The following CLSTN2 variants were observed in gnomAD, a reference collection of about 807,000 sequenced individuals.
CLSTN2 encodes the protein calsyntenin-2.
A neutral mutation model predicts 101.2 loss-of-function variants in CLSTN2; 48 were observed. That is an observed-to-expected ratio of 0.47 (90% CI 0.38 to 0.60). The LOEUF (loss-of-function observed/expected upper bound fraction) is 0.60, where lower values mean the gene tolerates loss of function less well. CLSTN2 is among the 20% of genes least tolerant of loss of function. CLSTN2 has a pLI of 0.00. For synonymous variants in CLSTN2, 481 were observed against 463.6 expected, an observed-to-expected ratio of 1.04 and a Z score of -0.48; for missense variants, 1,160 against 1,238.2, an observed-to-expected ratio of 0.94 and a Z score of 0.95.
rs1321072481 is a variant in CLSTN2 at position 140,374,089 on chromosome 3, C to T, written c.233-29540C>T. 3.9e-5 allele frequency among the ~76,000 whole-genome samples: 6 copies of T among 152,222 alleles called. No individual in the cohort carries two copies. The East Asian group carries it at 9.6e-4, about 24-fold the overall frequency. Reference sequence around the variant, plus strand: ...GTTCCCCTGCAGAAAGGACCTCCTACAGCATGGCATCCTTCCTACACTTTC... The same window carrying T: ...GTTCCCCTGCAGAAAGGACCTCCTATAGCATGGCATCCTTCCTACACTTTC... On this transcript the variant is annotated intron_variant, in intron 2 of 16. Transcript: ENST00000458420.
intron 4 of CLSTN2, among the ~76,000 whole-genome samples, chr3:140,420,157 G>A (rs2088484617): frequency 1.3e-5 from 2 of 151,620 alleles, no homozygotes; most frequent in African/African-American, 4.8e-5. Flanking sequence ...GCCTTCCAAA[G>A]TGCTGGGATT....
intron 2 of CLSTN2, among the ~76,000 whole-genome samples, chr3:140,191,416 T>C (rs1029854050): frequency 6.6e-6 from 1 of 152,048 alleles, no homozygotes; most frequent in Non-Finnish European, 1.5e-5. Context: ...TAATACTACT[T>C]CATAAAGTGA....
rs114976223 is a variant in CLSTN2, at chr3:140,477,769, A to G, written c.1344+11038A>G. Among the ~76,000 whole-genome samples the G allele has an allele frequency of 2.0e-3, 299 of 152,360 alleles. 2 individuals are homozygous for G. The highest frequency in any genetic ancestry group is 1.9e-3 in the Non-Finnish European group (130 of 68,030). On this transcript the variant is annotated intron_variant, in intron 8 of 16. Transcript: ENST00000458420. ...ACTGGGTATCCACCAAGTCTTCACT[A>G]TATTTCTTCATTTGTCGATCTCAGC...
intron 5 of CLSTN2, among the ~76,000 whole-genome samples, chr3:140,429,051 T>TAGA: frequency 6.6e-6 from 1 of 152,150 alleles, no homozygotes; most frequent in South Asian, 2.1e-4. Context: ...TCTAACACTT[T>TAGA]TGTGTTGAAA....
At chr3:139,985,002 CATCTCCA>C (rs1935997913) in intron 1 of CLSTN2, among the ~76,000 whole-genome samples, 1 of 152,192 alleles carries the variant, frequency 6.6e-6, no homozygotes, top group African/African-American at 2.4e-5. Flanking sequence ...CCATCAGCTT[CATCTCCA>C]AAATGTGTTT....
chr3:140,231,386 C>A (rs2086370585), intron 2 of CLSTN2, among the ~76,000 whole-genome samples: 1 of 152,020 alleles, frequency 6.6e-6, no homozygotes, highest in African/African-American at 2.4e-5. Flanking sequence ...GATTGAAAAA[C>A]CGGTTTAAAA....
intron 2 of CLSTN2, among the ~76,000 whole-genome samples, chr3:140,371,629 C>G (rs1161734019): frequency 6.6e-6 from 1 of 152,168 alleles, no homozygotes; most frequent in East Asian, 1.9e-4. Context: ...TCCTTCCTCA[C>G]AGAAAGACAG....
intron 1 of CLSTN2, among the ~76,000 whole-genome samples, chr3:139,939,599 C>T (rs527672915): frequency 7.2e-5 from 11 of 152,290 alleles, no homozygotes; most frequent in Admixed American, 2.6e-4. Context: ...GTGAGGGAAA[C>T]GGACCTTGCT....
At chr3:140,558,379 A>G (rs1039283172) in intron 11 of CLSTN2, among the ~76,000 whole-genome samples, 3 of 152,214 alleles carry the variant, frequency 2.0e-5, no homozygotes, top group Non-Finnish European at 4.4e-5. Flanking sequence ...GTTAAAGGAT[A>G]ATGAAAGGTT....
rs1327492599 is a variant in CLSTN2 at position 140,448,590 on chromosome 3, A to G, written c.859A>G (p.Thr287Ala). Reference sequence around the variant, plus strand: ...CCTGTTCCCCAGCATCCACCTGGAGACGTGCGATGGAGCCGTGTCTTCCCT... The same window carrying G: ...CCTGTTCCCCAGCATCCACCTGGAGGCGTGCGATGGAGCCGTGTCTTCCCT... ...MPLFPSIHLETCDGAVSSLQI... is the reference protein window; with the variant it reads ...MPLFPSIHLEACDGAVSSLQI... The change falls in exon 6 of 17, where the codon ACG (threonine) becomes GCG (alanine). Residue 287 changes from threonine to alanine, a missense_variant. Physicochemically the swap from Thr to Ala is moderately conservative, Grantham distance 58 (BLOSUM62 0). Coordinates refer to ENST00000458420, the MANE Select transcript of CLSTN2 (RefSeq NM_022131.3). 1.2e-6 allele frequency: 2 copies of G among 1,613,884 alleles called. No individual in the cohort carries two copies. The highest frequency in any genetic ancestry group is 3.3e-5 in the Admixed American group (2 of 59,998).
chr3:140,110,813 C>T (rs1404977057), intron 1 of CLSTN2, among the ~76,000 whole-genome samples: 1 of 152,184 alleles, frequency 6.6e-6, no homozygotes, highest in Admixed American at 6.5e-5. Context: ...TGGCAAACCT[C>T]TCTGGAGGAG....
At chr3:140,448,757 T>TA in intron 6 of CLSTN2, 53 bp downstream of exon 6, 1 of 1,466,596 alleles carries the variant, frequency 6.8e-7, no homozygotes, top group Non-Finnish European at 9.5e-7. Context: ...AAATGATGTA[T>TA]ACCAAAAAAG....
intron 2 of CLSTN2, among the ~76,000 whole-genome samples, chr3:140,343,354 T>A (rs185990536): frequency 6.6e-6 from 1 of 152,222 alleles, no homozygotes; most frequent in Admixed American, 6.5e-5. Context: ...CTGATCCTAA[T>A]AATAGCTAAC....
At chr3:140,543,944 T>A (rs1324072008) in intron 9 of CLSTN2, among the ~76,000 whole-genome samples, 1 of 152,332 alleles carries the variant, frequency 6.6e-6, no homozygotes. Flanking sequence ...AGGGAAGGAA[T>A]AATCTAATTA....
chr3:140,195,138 G>A (rs1045485245), intron 2 of CLSTN2, among the ~76,000 whole-genome samples: 1 of 152,230 alleles, frequency 6.6e-6, no homozygotes, highest in African/African-American at 2.4e-5. Flanking sequence ...GCTGACCTGG[G>A]TAGGAGTGAG....
At chr3:140,158,073 T>A (rs763578687) in intron 1 of CLSTN2, among the ~76,000 whole-genome samples, 19 of 152,218 alleles carry the variant, frequency 1.2e-4, no homozygotes, top group Middle Eastern at 3.4e-3. Context: ...ATAAGGGCCG[T>A]CTATGACAAA....
intron 1 of CLSTN2, among the ~76,000 whole-genome samples, chr3:140,030,820 G>A (rs1006696085): frequency 6.6e-6 from 1 of 152,180 alleles, no homozygotes; most frequent in South Asian, 2.1e-4. Context: ...TACCCAAAAT[G>A]GCAGATAAAT....
chr3:140,075,682 T>C (rs2008475019), intron 1 of CLSTN2, among the ~76,000 whole-genome samples: 1 of 152,196 alleles, frequency 6.6e-6, no homozygotes. Flanking sequence ...GAAGCTATTA[T>C]GTGTGAGTTG....
rs189460489 is a variant in CLSTN2, at chr3:140,110,883, T to C, written c.110-65068T>C. On this transcript the variant is annotated intron_variant, in intron 1 of 16. Transcript: ENST00000458420. ...CCCTAGACCAAGATGGGACTTGCAA[T>C]TGGCTCCCAGGAAGAAAATCAGGCC... Among the ~76,000 whole-genome samples the C allele has an allele frequency of 2.0e-4, 30 of 152,282 alleles. No homozygotes were observed. The East Asian group carries it at 5.8e-3, about 29-fold the overall frequency.
Sources: gnomAD v4.1 joint callset for allele counts (sites outside exome capture counted in the v4.1 genomes callset) on GRCh38, gnomAD v4.1.1 for gene constraint, MANE v1.5 for transcripts, NCBI Gene and HGNC (gene_info 2026-07-23, HGNC 2026-07-21) for gene names.